EPDR1: variants seen among roughly 807,000 people sequenced by gnomAD.
The protein encoded by EPDR1 is mammalian ependymin-related protein 1.
A neutral mutation model predicts 23.7 loss-of-function variants in EPDR1; 27 were observed. The ratio of observed to expected loss-of-function variants is 1.14; its 90% confidence interval spans 0.84 to 1.57. EPDR1 has a LOEUF of 1.57. Among genes scored for constraint, EPDR1 ranks in the 40% most tolerant of loss-of-function variants. EPDR1 has a pLI of 0.00. For missense variants in EPDR1, 349 were observed against 290.4 expected (o/e 1.20, Z -1.47); for synonymous variants, 137 against 118.2 (o/e 1.16, Z -1.03).
chr7:37,937,625 T>A (rs977229444), intron 1 of EPDR1, among the ~76,000 whole-genome samples: 1 of 152,180 alleles, frequency 6.6e-6, no homozygotes, highest in Admixed American at 6.5e-5. Flanking sequence ...AAAATTACAC[T>A]GCTCTTTGAA....
chr7:37,948,884 A>T lies in EPDR1; in HGVS notation c.314A>T (p.Gln105Leu). ...ILLYKDGVMF[Q>L]IDQATKQCSK... ...CTGTATAAGGATGGAGTGATGTTTC[A>T]GATTGACCAAGCCACCAAGCAGTGC... Residue 105 changes from glutamine (Q) to leucine (L), a missense_variant, in exon 2 of 3, where the codon CAG becomes CTG. Physicochemically the swap from Gln to Leu is moderately radical, Grantham distance 113. Coordinates refer to ENST00000199448, the MANE Select transcript of EPDR1 (RefSeq NM_017549.5). The T allele has an allele frequency of 1.9e-6, 3 of 1,614,180 alleles. No individual in the cohort carries two copies. The highest frequency in any genetic ancestry group is 2.5e-6 in the Non-Finnish European group (3 of 1,180,042).
intron 1 of EPDR1, among the ~76,000 whole-genome samples, chr7:37,923,460 G>A (rs1785753160): frequency 6.6e-6 from 1 of 152,176 alleles, no homozygotes; most frequent in African/African-American, 2.4e-5. Flanking sequence ...AGGGTAGATG[G>A]TGATGCTGTT....
intron 1 of EPDR1, among the ~76,000 whole-genome samples, chr7:37,945,034 G>T (rs1343420288): frequency 2.0e-5 from 3 of 152,094 alleles, no homozygotes; most frequent in African/African-American, 7.2e-5. Context: ...TTGTTTTTTG[G>T]GTGGCCCACG....
Position 37,920,768 on chromosome 7 carries a change from C to A in EPDR1, c.-172C>A, listed in dbSNP as rs1005535466. On this transcript the variant is annotated 5_prime_UTR_variant, in exon 1 of 3. Transcript: ENST00000199448. ...CCCTGGTCCCGGCTACCGGGACTCG[C>A]GCGTCCGGATCTCAAAAGCGGCAGA... The A allele has an allele frequency of 6.2e-7, 1 of 1,609,432 alleles. No homozygotes were observed. The highest frequency in any genetic ancestry group is 1.3e-5 in the African/African-American group (1 of 74,782).
chr7:37,921,248 C>T (rs1296930124), intron 1 of EPDR1, 40 bp downstream of exon 1: 1 of 1,548,338 alleles, frequency 6.5e-7, no homozygotes, highest in East Asian at 2.4e-5. Context: ...TAGGGAGCCG[C>T]GCGGGCATGG....
At position 37,948,861 on chromosome 7, in the gene EPDR1, G is replaced by T; in HGVS notation, c.291G>T (p.Leu97=). 1 of 1,614,082 alleles carries T rather than the reference G, an allele frequency of 6.2e-7. No homozygotes were observed. The highest frequency in any genetic ancestry group is 1.3e-5 in the African/African-American group (1 of 75,030). The change falls in exon 2 of 3, where the codon CTG becomes CTT. Residue 97 remains leucine, a synonymous_variant. Coordinates refer to ENST00000199448, the MANE Select transcript of EPDR1 (RefSeq NM_017549.5). ...PCKRLFEYIL[L]YKDGVMFQID... Reference sequence around the variant, plus strand: ...TCAGATTATTTGAATATATTTTGCTGTATAAGGATGGAGTGATGTTTCAGA... The same window carrying T: ...TCAGATTATTTGAATATATTTTGCTTTATAAGGATGGAGTGATGTTTCAGA...
At chr7:37,944,957 GC>G (rs1186115684) in intron 1 of EPDR1, among the ~76,000 whole-genome samples, 3 of 152,196 alleles carry the variant, frequency 2.0e-5, no homozygotes, top group Non-Finnish European at 4.4e-5. Context: ...TGCCTTTCTA[GC>G]CCAGATATCT....
rs115496707 is a variant in EPDR1 at position 37,938,709 on chromosome 7, C to T, written c.270-10131C>T. Among the ~76,000 whole-genome samples, 1,032 of 152,310 alleles carry T rather than the reference C, an allele frequency of 6.8e-3. 11 individuals are homozygous for T. The highest frequency in any genetic ancestry group is 0.023 in the African/African-American group (937 of 41,572). On this transcript the variant is annotated intron_variant, in intron 1 of 2. Coordinates refer to ENST00000199448, the MANE Select transcript of EPDR1 (RefSeq NM_017549.5). Reference sequence around the variant, plus strand: ...TTGTAGCGGTAAAGCCATGTTTCAGCTCATGTTACAATTCGTAAAAGAAAT... The same window carrying T: ...TTGTAGCGGTAAAGCCATGTTTCAGTTCATGTTACAATTCGTAAAAGAAAT...
At chr7:37,933,976 C>CTTTT (rs576903776) in intron 1 of EPDR1, among the ~76,000 whole-genome samples, 2 of 133,376 alleles carry the variant, frequency 1.5e-5, no homozygotes, top group Non-Finnish European at 1.6e-5. Context: ...TTCTGCCATT[C>CTTTT]TTTTTTTTTT....
intron 1 of EPDR1, among the ~76,000 whole-genome samples, chr7:37,931,856 A>G (rs1785947386): frequency 6.6e-6 from 1 of 151,790 alleles, no homozygotes; most frequent in Non-Finnish European, 1.5e-5. Context: ...ACACCACTGC[A>G]CCCGCCTAAT....
At chr7:37,933,748 A>G (rs1203328928) in intron 1 of EPDR1, among the ~76,000 whole-genome samples, 3 of 152,232 alleles carry the variant, frequency 2.0e-5, no homozygotes, top group Non-Finnish European at 4.4e-5. Flanking sequence ...GAAGGCTCTC[A>G]TAGAGATTTT....
At chr7:37,930,606 C>T (rs907961344) in intron 1 of EPDR1, among the ~76,000 whole-genome samples, 1 of 152,216 alleles carries the variant, frequency 6.6e-6, no homozygotes, top group Admixed American at 6.5e-5. Flanking sequence ...CTCATCCTAG[C>T]CCAGCTTCAG....
rs563496855 is a variant in EPDR1 at position 37,948,781 on chromosome 7, A to C, written c.270-59A>C. ...ATCTATCAAAGGTGTTTGTGCTGTT[A>C]AAAGGCACGAGGATGGTAACATGAA... On this transcript the variant is annotated intron_variant, in intron 1 of 2. Transcript: ENST00000199448. 15 of 1,388,950 alleles carry C rather than the reference A, an allele frequency of 1.1e-5. No homozygotes were observed. In the East Asian group the frequency reaches 3.2e-4, roughly 30 times the overall value. The allele number at this position is 1,388,950 out of a possible 1,614,324, so 86.0% of individuals were successfully genotyped here.
At chr7:37,928,669 G>A (rs1785866741) in intron 1 of EPDR1, among the ~76,000 whole-genome samples, 1 of 152,114 alleles carries the variant, frequency 6.6e-6, no homozygotes, top group Non-Finnish European at 1.5e-5. Flanking sequence ...CAACATGCTA[G>A]TCTTCTGGTT....
chr7:37,921,877 G>A (rs1467217083), intron 1 of EPDR1, among the ~76,000 whole-genome samples: 2 of 151,846 alleles, frequency 1.3e-5, no homozygotes, highest in South Asian at 4.2e-4. Flanking sequence ...GTTCTTATTT[G>A]CCATTTTATT....
chr7:37,938,008 T>TTTTGG (rs1786091194), intron 1 of EPDR1, among the ~76,000 whole-genome samples: 1 of 119,208 alleles, frequency 8.4e-6, no homozygotes, highest in African/African-American at 2.8e-5. Flanking sequence ...TTTTTTTTTT[T>TTTTGG]GAGATGGAGC....
Position 37,927,853 on chromosome 7 carries a change from T to G in EPDR1, c.269+6645T>G, listed in dbSNP as rs554675976. ...GATGGCTGGAGATAGCATATTCTTT[T>G]GTGAGCTGAGGAAGTCTTGACTGCT... is the stretch of plus-strand genomic sequence containing the variant. On this transcript the variant is annotated intron_variant, in intron 1 of 2. Transcript: ENST00000199448. 2.0e-5 allele frequency among the ~76,000 whole-genome samples: 3 copies of G among 152,360 alleles called. No homozygotes were observed. In the South Asian group the frequency reaches 6.2e-4, roughly 32 times the overall value.
intron 1 of EPDR1, among the ~76,000 whole-genome samples, chr7:37,926,175 G>T (rs777804148): frequency 2.0e-5 from 3 of 152,098 alleles, no homozygotes; most frequent in Non-Finnish European, 4.4e-5. Context: ...TGGAAAGGAG[G>T]ATGAGGATTA....
rs1786341237 is a variant in EPDR1 at position 37,949,062 on chromosome 7, GA to G, written c.478+16del. The G allele has an allele frequency of 5.6e-6, 9 of 1,611,904 alleles. No individual in the cohort carries two copies. The highest frequency in any genetic ancestry group is 7.6e-6 in the Non-Finnish European group (9 of 1,177,996). Reference sequence around the variant, plus strand: ...CAGCTAGATCCTGTAAGGGTTCAAAGAATCTAAGCATTGTATTCAGCATGCA... The same window carrying G: ...CAGCTAGATCCTGTAAGGGTTCAAAGATCTAAGCATTGTATTCAGCATGCA... On this transcript the variant is annotated intron_variant, in intron 2 of 2. Coordinates refer to ENST00000199448, the MANE Select transcript of EPDR1 (RefSeq NM_017549.5).
Sources: allele counts gnomAD v4.1 joint callset (sites outside exome capture counted in the v4.1 genomes callset), GRCh38; gene constraint gnomAD v4.1.1; transcripts MANE v1.5; gene names NCBI Gene and HGNC (gene_info 2026-07-23, HGNC 2026-07-21).